Variants in TMEM117 observed in about 807,000 individuals in gnomAD.
TMEM117 encodes transmembrane protein 117.
In TMEM117, 27 loss-of-function variants were observed where a neutral mutation model predicts 52.4. That is an observed-to-expected ratio of 0.51 (90% CI 0.38 to 0.71). TMEM117 has a LOEUF of 0.71. Among genes scored for constraint, TMEM117 ranks in the 30% least tolerant of loss-of-function variants. The probability of loss-of-function intolerance (pLI) is 0.00; values close to 1 mark genes in which losing one functional copy is unlikely to be tolerated. For synonymous variants in TMEM117, 215 were observed against 206.3 expected (o/e 1.04, Z -0.36); for missense variants, 556 against 630.5 (o/e 0.88, Z 1.26).
At chr12:44,346,768 T>C (rs1951493232) in intron 6 of TMEM117, among the ~76,000 whole-genome samples, 1 of 152,080 alleles carries the variant, frequency 6.6e-6, no homozygotes, top group Non-Finnish European at 1.5e-5. Context: ...TGAATGTGGA[T>C]TTTAACTGAT....
intron 4 of TMEM117, among the ~76,000 whole-genome samples, chr12:44,168,097 T>C (rs1245089717): frequency 1.3e-5 from 2 of 151,762 alleles, no homozygotes; most frequent in African/African-American, 4.8e-5. Flanking sequence ...CTACTAAAAA[T>C]ACAAAAATTA....
the TMEM117 span, chr12:43,805,877 A>T: frequency 2.8e-6 from 4 of 1,443,254 alleles, no homozygotes; most frequent in Non-Finnish European, 3.7e-6. Context: ...CCACTGTCCC[A>T]GCTCTTCCCT....
chr12:44,073,487 G>T (rs1947335572), intron 3 of TMEM117: 1 of 152,026 alleles, frequency 6.6e-6, no homozygotes, highest in African/African-American at 2.4e-5. Flanking sequence ...AGTGTTTAAT[G>T]AATTTCAATT....
At chr12:43,914,384 A>C (rs1359000638) in intron 2 of TMEM117, among the ~76,000 whole-genome samples, 2 of 152,146 alleles carry the variant, frequency 1.3e-5, no homozygotes, top group African/African-American at 2.4e-5. Context: ...GATTGTGATC[A>C]CATTTTGTTC....
chr12:44,095,086 C>A (rs1441852974), intron 3 of TMEM117, among the ~76,000 whole-genome samples: 1 of 151,970 alleles, frequency 6.6e-6, no homozygotes, highest in Non-Finnish European at 1.5e-5. Context: ...ATGCATGATA[C>A]CACTACAACT....
intron 5 of TMEM117, among the ~76,000 whole-genome samples, chr12:44,223,407 A>AC (rs1565609515): frequency 7.0e-6 from 1 of 143,734 alleles, no homozygotes; most frequent in African/African-American, 2.6e-5. Context: ...ACCTTACTCA[A>AC]CCCCCCAGAC....
At chr12:44,200,016 G>A (rs890327594) in intron 4 of TMEM117, among the ~76,000 whole-genome samples, 15 of 152,184 alleles carry the variant, frequency 9.9e-5, no homozygotes, top group African/African-American at 2.9e-4. Context: ...TACACAGGAG[G>A]CTGAGAGAGG....
chr12:43,883,665 T>TA (rs1943937085), intron 2 of TMEM117, among the ~76,000 whole-genome samples: 1 of 152,102 alleles, frequency 6.6e-6, no homozygotes, highest in Non-Finnish European at 1.5e-5. Context: ...GTGCTTTAGT[T>TA]ATGCATATTA....
At position 43,948,727 on chromosome 12, in the gene TMEM117, G is replaced by A. The variant is rs553718510; in HGVS notation, c.410+4385G>A. ...TTTTTTTTACAAGGTGGCAGACTAG[G>A]TAACCTGAAGCCTTGCCTACTACAA... On this transcript the variant is annotated intron_variant, in intron 3 of 7. Transcript: ENST00000266534. Among the ~76,000 whole-genome samples, 199 of 152,232 alleles carry A rather than the reference G, an allele frequency of 1.3e-3. 1 individual carries two copies. The highest frequency in any genetic ancestry group is 4.6e-3 in the African/African-American group (190 of 41,546).
At chr12:44,090,346 G>A (rs1947641894) in intron 3 of TMEM117, among the ~76,000 whole-genome samples, 1 of 149,560 alleles carries the variant, frequency 6.7e-6, no homozygotes. Context: ...GATTCTCCAG[G>A]GTTTATTGTT....
chr12:44,261,481 A>G (rs182525411), intron 5 of TMEM117, among the ~76,000 whole-genome samples: 79 of 152,284 alleles, frequency 5.2e-4, no homozygotes, highest in Non-Finnish European at 9.3e-4. Context: ...GCTTTTTGAT[A>G]TTACTGAGGA....
chr12:44,221,447 A>T (rs927704582), intron 5 of TMEM117, among the ~76,000 whole-genome samples: 2 of 152,146 alleles, frequency 1.3e-5, no homozygotes, highest in Admixed American at 1.3e-4. Context: ...CTATTTCTTT[A>T]CTGATATCAT....
chr12:44,041,800 G>A (rs2137898331), intron 3 of TMEM117, among the ~76,000 whole-genome samples: 1 of 152,294 alleles, frequency 6.6e-6, no homozygotes, highest in East Asian at 1.9e-4. Context: ...TTCCTGGGAT[G>A]TAAGGTTGGT....
chr12:44,058,259 G>C (rs1484472103), intron 3 of TMEM117, among the ~76,000 whole-genome samples: 3 of 151,998 alleles, frequency 2.0e-5, no homozygotes, highest in African/African-American at 7.3e-5. Flanking sequence ...GGTCAAAAAT[G>C]AAAGCTTACG....
At chr12:44,322,154 A>G (rs1951139188) in intron 6 of TMEM117, among the ~76,000 whole-genome samples, 1 of 152,198 alleles carries the variant, frequency 6.6e-6, no homozygotes, top group African/African-American at 2.4e-5. Flanking sequence ...AGAGATATCT[A>G]ACGGCCAACC....
chr12:43,932,569 G>C (rs1206174744), intron 2 of TMEM117, among the ~76,000 whole-genome samples: 3 of 152,054 alleles, frequency 2.0e-5, no homozygotes, highest in African/African-American at 7.2e-5. Context: ...AAGAGTCCTG[G>C]ACTCTGCCTT....
At chr12:44,270,457 A>G (rs1320164078) in intron 5 of TMEM117, among the ~76,000 whole-genome samples, 1 of 152,148 alleles carries the variant, frequency 6.6e-6, no homozygotes, top group East Asian at 1.9e-4. Context: ...ATTTGTGTGC[A>G]TTAATTTTGT....
chr12:43,977,373 A>G (rs1415280426), intron 3 of TMEM117, among the ~76,000 whole-genome samples: 2 of 152,068 alleles, frequency 1.3e-5, no homozygotes, highest in East Asian at 3.9e-4. Context: ...TAGCCACACC[A>G]TGGTATGGGT....
intron 6 of TMEM117, 82 bp downstream of exon 6, chr12:44,299,821 A>T: frequency 6.7e-7 from 1 of 1,484,716 alleles, no homozygotes; most frequent in Non-Finnish European, 9.2e-7. Context: ...AACAGGCTCC[A>T]TAAATCTAAA....
Sources: allele counts gnomAD v4.1 joint callset (sites outside exome capture counted in the v4.1 genomes callset), GRCh38; gene constraint gnomAD v4.1.1; transcripts MANE v1.5; gene names NCBI Gene and HGNC (gene_info 2026-07-23, HGNC 2026-07-21).